NRG3: variants seen among roughly 807,000 people sequenced by gnomAD.
The protein encoded by NRG3 is pro-neuregulin-3, membrane-bound isoform.
NRG3 carries 31 observed loss-of-function variants against 66.9 expected under a neutral mutation model. The observed-to-expected ratio is 0.46, with a 90% CI of 0.35 to 0.63. The LOEUF is 0.63. NRG3 is among the 20% of genes least tolerant of loss of function. NRG3 has a pLI of 0.00. For synonymous variants in NRG3, 393 were observed against 359.4 expected (o/e 1.09, Z -1.06); for missense variants, 910 against 878.9 (o/e 1.04, Z -0.45).
chr10:82,727,785 G>C (rs1001238302), intron 2 of NRG3, among the ~76,000 whole-genome samples: 4 of 152,112 alleles, frequency 2.6e-5, no homozygotes, highest in African/African-American at 4.8e-5. Context: ...ACCTGAAAAA[G>C]CTGCAGACAC....
chr10:82,054,843 A>T (rs1449377032), intron 1 of NRG3, among the ~76,000 whole-genome samples: 3 of 145,394 alleles, frequency 2.1e-5, no homozygotes, highest in East Asian at 1.9e-4. Context: ...CCAGATCTAT[A>T]AAAAAAAATA....
intron 2 of NRG3, among the ~76,000 whole-genome samples, chr10:82,448,717 GT>G: frequency 6.6e-6 from 1 of 152,072 alleles, no homozygotes; most frequent in African/African-American, 2.4e-5. Flanking sequence ...TTTATAAAAA[GT>G]TTTTGTTCAA....
chr10:82,737,801 C>T (rs975230031), intron 2 of NRG3, among the ~76,000 whole-genome samples: 1 of 152,196 alleles, frequency 6.6e-6, no homozygotes, highest in African/African-American at 2.4e-5. Flanking sequence ...TATGTGAAGA[C>T]CCGACAGGGG....
intron 3 of NRG3, among the ~76,000 whole-genome samples, chr10:82,826,508 C>T (rs578105554): frequency 6.6e-6 from 1 of 152,318 alleles, no homozygotes; most frequent in South Asian, 2.1e-4. Flanking sequence ...ACATAATCAA[C>T]TTAGATGCTC....
At chr10:82,070,821 CAATGT>C (rs1400498934) in intron 1 of NRG3, among the ~76,000 whole-genome samples, 2 of 152,074 alleles carry the variant, frequency 1.3e-5, no homozygotes, top group Non-Finnish European at 2.9e-5. Flanking sequence ...TATATTTTTA[CAATGT>C]AACCCCCATT....
chr10:82,165,523 CT>C (rs1428136562), intron 1 of NRG3, among the ~76,000 whole-genome samples: 4 of 151,780 alleles, frequency 2.6e-5, no homozygotes, highest in African/African-American at 9.7e-5. Context: ...GGCATTTGTT[CT>C]TTTGTAAACA....
At chr10:82,237,896 A>C (rs2076831368) in intron 1 of NRG3, among the ~76,000 whole-genome samples, 1 of 152,154 alleles carries the variant, frequency 6.6e-6, no homozygotes, top group African/African-American at 2.4e-5. Flanking sequence ...TTTAATTGTC[A>C]AAGAGCTTGG....
chr10:81,902,854 G>C (rs1466042843), intron 1 of NRG3, among the ~76,000 whole-genome samples: 3 of 152,116 alleles, frequency 2.0e-5, no homozygotes, highest in Non-Finnish European at 2.9e-5. Context: ...CCATCTTCCT[G>C]AAGGAAACCA....
intron 1 of NRG3, among the ~76,000 whole-genome samples, chr10:81,940,787 A>G (rs1848343297): frequency 6.6e-6 from 1 of 152,122 alleles, no homozygotes; most frequent in Non-Finnish European, 1.5e-5. Context: ...AAAGTGAAGA[A>G]TAGATAATGG....
At chr10:82,907,697 T>C (rs1448589480) in intron 4 of NRG3, among the ~76,000 whole-genome samples, 4 of 152,206 alleles carry the variant, frequency 2.6e-5, no homozygotes, top group African/African-American at 4.8e-5. Context: ...TATACACTTT[T>C]CATTTATTTC....
At position 82,463,370 on chromosome 10, in the gene NRG3, G is replaced by GCTCT. The variant is rs150239740; in HGVS notation, c.953+104513_953+104516dup. Among the ~76,000 whole-genome samples the GCTCT allele has an allele frequency of 4.1e-3, 626 of 151,210 alleles. 2 individuals are homozygous for GCTCT. The highest frequency in any genetic ancestry group is 6.5e-3 in the Non-Finnish European group (442 of 67,726). On this transcript the variant is annotated intron_variant, in intron 2 of 8. Coordinates refer to ENST00000372141, the MANE Select transcript of NRG3 (RefSeq NM_001010848.4). The stretch of plus-strand genomic sequence containing the variant: ...ATTAGTCAAGAGCAGTGAGCAAAAT[G>GCTCT]CTCTCTCTCTCTCTGTCTTCTCTCA...
At chr10:82,338,752 A>T (rs1317576779) in intron 1 of NRG3, among the ~76,000 whole-genome samples, 7 of 152,190 alleles carry the variant, frequency 4.6e-5, no homozygotes, top group African/African-American at 2.4e-5. Context: ...TTCTTTTCTC[A>T]TTTAGGCTTC....
intron 2 of NRG3, among the ~76,000 whole-genome samples, chr10:82,584,251 C>G (rs2046533297): frequency 6.6e-6 from 1 of 151,908 alleles, no homozygotes; most frequent in South Asian, 2.1e-4. Flanking sequence ...CACACCCCAC[C>G]AATTTTGTAT....
At chr10:82,518,183 G>A (rs780058682) in intron 2 of NRG3, among the ~76,000 whole-genome samples, 10 of 152,138 alleles carry the variant, frequency 6.6e-5, no homozygotes, top group Non-Finnish European at 1.2e-4. Flanking sequence ...CTAGCACATA[G>A]GAAACAATAA....
At chr10:82,097,437 A>G (rs1380514335) in intron 1 of NRG3, among the ~76,000 whole-genome samples, 1 of 145,348 alleles carries the variant, frequency 6.9e-6, no homozygotes, top group Non-Finnish European at 1.5e-5. Context: ...ATATATATAT[A>G]TATATCTGTA....
At chr10:82,474,955 C>T (rs1026029036) in intron 2 of NRG3, among the ~76,000 whole-genome samples, 6 of 150,098 alleles carry the variant, frequency 4.0e-5, no homozygotes, top group Non-Finnish European at 7.4e-5. Context: ...CAGAGGGCAG[C>T]GGGATGGTGT....
At chr10:82,472,686 A>C (rs927388209) in intron 2 of NRG3, among the ~76,000 whole-genome samples, 7 of 152,214 alleles carry the variant, frequency 4.6e-5, no homozygotes, top group South Asian at 2.1e-4. Flanking sequence ...TAATGAGAGC[A>C]TGTTTTCCCC....
chr10:82,235,966 CCACACACACACATAGACACG>C (rs1289181570), intron 1 of NRG3, among the ~76,000 whole-genome samples: 1 of 151,510 alleles, frequency 6.6e-6, no homozygotes. Flanking sequence ...CCCATCCCTG[CCACACACACACATAGACACG>C]CACACACACA....
intron 1 of NRG3, among the ~76,000 whole-genome samples, chr10:82,320,691 A>C (rs1322013068): frequency 6.6e-6 from 1 of 152,158 alleles, no homozygotes; most frequent in African/African-American, 2.4e-5. Flanking sequence ...CAGAGGTCCA[A>C]GTTCCCTGTG....
Sources: allele counts gnomAD v4.1 joint callset (sites outside exome capture counted in the v4.1 genomes callset), GRCh38; gene constraint gnomAD v4.1.1; transcripts MANE v1.5; gene names NCBI Gene and HGNC (gene_info 2026-07-23, HGNC 2026-07-21).